The following TENM3 variants were observed in gnomAD, a reference collection of about 807,000 sequenced individuals.
The protein encoded by TENM3 is teneurin transmembrane protein 3.
A neutral mutation model predicts 255.1 loss-of-function variants in TENM3; 63 were observed. That is an observed-to-expected ratio of 0.25 (90% CI 0.20 to 0.30). TENM3 has a LOEUF of 0.30. Ranked by LOEUF, TENM3 falls within the 10% of genes least tolerant of loss-of-function variation. The pLI, the probability that TENM3 is intolerant of heterozygous loss-of-function variation, is 1.00. For missense variants in TENM3, 2,929 were observed against 3,461.1 expected (o/e 0.85, Z 3.86); for synonymous variants, 1,306 against 1,322.3 (o/e 0.99, Z 0.27).
At chr4:181,878,694 G>T in the TENM3 span, among the ~76,000 whole-genome samples, 1 of 151,292 alleles carries the variant, frequency 6.6e-6, no homozygotes, top group African/African-American at 2.4e-5. Flanking sequence ...TAATCCTTCC[G>T]TCTGTCTATA....
chr4:182,028,491 G>A, the TENM3 span, among the ~76,000 whole-genome samples: 1 of 151,766 alleles, frequency 6.6e-6, no homozygotes, highest in African/African-American at 2.4e-5. Context: ...ATTAATTTGG[G>A]GTTTGGCTTA....
At chr4:182,621,727 TAA>T (rs1489290183) in intron 4 of TENM3, among the ~76,000 whole-genome samples, 10 of 17,882 alleles carry the variant, frequency 5.6e-4, no homozygotes, top group African/African-American at 1.0e-3. Flanking sequence ...ATATTATATA[TAA>T]AATATATAAT....
At chr4:182,737,875 A>C (rs1344260103) in intron 17 of TENM3, among the ~76,000 whole-genome samples, 3 of 152,066 alleles carry the variant, frequency 2.0e-5, no homozygotes, top group African/African-American at 7.2e-5. Context: ...AAAGCTTTTC[A>C]TCTGTGGTTT....
At chr4:182,397,988 C>T (rs992646666) in intron 3 of TENM3, among the ~76,000 whole-genome samples, 6 of 152,172 alleles carry the variant, frequency 3.9e-5, no homozygotes, top group Non-Finnish European at 7.3e-5. Flanking sequence ...CTTTAGTTCT[C>T]TGTTTCGGAT....
At chr4:182,421,037 A>T in intron 3 of TENM3, among the ~76,000 whole-genome samples, 1 of 152,238 alleles carries the variant, frequency 6.6e-6, no homozygotes. Context: ...TGGTTTCATC[A>T]CTGAACAGCT....
At chr4:182,189,431 A>G (rs766358383) in intron 1 of TENM3, among the ~76,000 whole-genome samples, 24 of 152,186 alleles carry the variant, frequency 1.6e-4, no homozygotes, top group Admixed American at 2.6e-4. Context: ...CAGAAACACC[A>G]AAGCTTATAC....
At chr4:181,537,744 G>T in the TENM3 span, among the ~76,000 whole-genome samples, 1 of 152,168 alleles carries the variant, frequency 6.6e-6, no homozygotes, top group Non-Finnish European at 1.5e-5. Context: ...AGAGACGGTG[G>T]CTAAGAAAAT....
chr4:181,913,414 G>C, the TENM3 span, among the ~76,000 whole-genome samples: 17 of 152,204 alleles, frequency 1.1e-4, no homozygotes, highest in Non-Finnish European at 2.4e-4. Context: ...GCATCTTGCG[G>C]ATGGAGCAAT....
chr4:182,262,774 CCT>C (rs1758906421), intron 1 of TENM3, among the ~76,000 whole-genome samples: 1 of 145,478 alleles, frequency 6.9e-6, no homozygotes, highest in East Asian at 2.0e-4. Flanking sequence ...AATGCAGTGG[CCT>C]GATCTCAGCT....
At chr4:182,464,636 T>C (rs754532703) in intron 3 of TENM3, among the ~76,000 whole-genome samples, 1 of 152,198 alleles carries the variant, frequency 6.6e-6, no homozygotes, top group Non-Finnish European at 1.5e-5. Flanking sequence ...GACAGTAATA[T>C]GTAGTTCTAG....
the TENM3 span, among the ~76,000 whole-genome samples, chr4:182,005,252 G>T: frequency 6.6e-6 from 1 of 152,202 alleles, no homozygotes; most frequent in African/African-American, 2.4e-5. Flanking sequence ...TGTATAAGAT[G>T]TAAGGAAGGG....
the TENM3 span, among the ~76,000 whole-genome samples, chr4:181,997,090 C>A: frequency 2.0e-5 from 3 of 152,176 alleles, no homozygotes; most frequent in Non-Finnish European, 4.4e-5. Context: ...AGGCAGAAGA[C>A]AACCTTAGAG....
At chr4:181,852,226 C>A in the TENM3 span, among the ~76,000 whole-genome samples, 3 of 152,148 alleles carry the variant, frequency 2.0e-5, no homozygotes, top group Non-Finnish European at 2.9e-5. Context: ...TGTGTGGACA[C>A]CTGATTGGCT....
intron 3 of TENM3, among the ~76,000 whole-genome samples, chr4:182,534,705 A>T (rs901441175): frequency 6.6e-6 from 1 of 152,238 alleles, no homozygotes; most frequent in Non-Finnish European, 1.5e-5. Context: ...AGCGATGGAG[A>T]TAGAATTCAC....
At chr4:181,799,032 C>G in the TENM3 span, among the ~76,000 whole-genome samples, 7 of 152,188 alleles carry the variant, frequency 4.6e-5, no homozygotes, top group East Asian at 1.3e-3. Context: ...CGCTTATGCA[C>G]TGTTCTCTAT....
At chr4:181,672,811 G>A in the TENM3 span, among the ~76,000 whole-genome samples, 1 of 152,184 alleles carries the variant, frequency 6.6e-6, no homozygotes, top group Non-Finnish European at 1.5e-5. Flanking sequence ...CCTGGCAGAT[G>A]TGATCTTCAT....
chr4:182,679,097 A>G (rs1236221999), intron 7 of TENM3, among the ~76,000 whole-genome samples: 1 of 152,104 alleles, frequency 6.6e-6, no homozygotes, highest in African/African-American at 2.4e-5. Context: ...ATTAGGAGAA[A>G]TACCTAATGT....
the TENM3 span, among the ~76,000 whole-genome samples, chr4:181,764,488 A>C: frequency 3.9e-5 from 6 of 152,308 alleles, no homozygotes; most frequent in South Asian, 1.2e-3. Flanking sequence ...CTAAGCTTTG[A>C]GTAATTATTT....
At chr4:182,119,812 C>T in the TENM3 span, among the ~76,000 whole-genome samples, 96 of 152,150 alleles carry the variant, frequency 6.3e-4, no homozygotes, top group South Asian at 1.7e-3. Context: ...GCTCAAGCTC[C>T]CACCTCAGAT....
Sources: gnomAD v4.1 joint callset for allele counts (sites outside exome capture counted in the v4.1 genomes callset) on GRCh38, gnomAD v4.1.1 for gene constraint, MANE v1.5 for transcripts, NCBI Gene and HGNC (gene_info 2026-07-23, HGNC 2026-07-21) for gene names.